The following MIPEP variants were observed in gnomAD, a reference collection of about 807,000 sequenced individuals.
MIPEP encodes the protein mitochondrial intermediate peptidase.
Under a neutral mutation model 90.3 loss-of-function variants are expected in MIPEP, and 79 were observed. The observed-to-expected ratio is 0.87, with a 90% confidence interval of 0.73 to 1.05. MIPEP has a LOEUF of 1.05. Among genes scored for constraint, MIPEP ranks in the 50% least tolerant of loss-of-function variants. The pLI, the probability that MIPEP is intolerant of heterozygous loss-of-function variation, is 0.00. For synonymous variants in MIPEP, 334 were observed against 315.8 expected (o/e 1.06, Z -0.61); for missense variants, 940 against 905.6 (o/e 1.04, Z -0.49).
At chr13:23,793,396 G>A (rs1952920781) in intron 16 of MIPEP, among the ~76,000 whole-genome samples, 1 of 152,296 alleles carries the variant, frequency 6.6e-6, no homozygotes, top group African/African-American at 2.4e-5. Context: ...TAACTTTAAA[G>A]GGGGTCGCAA....
intron 2 of MIPEP, among the ~76,000 whole-genome samples, chr13:23,885,947 T>G (rs1168103879): frequency 2.6e-5 from 4 of 151,108 alleles, no homozygotes; most frequent in African/African-American, 4.8e-5. Context: ...GGAATTTTGT[T>G]GTAAATGTAC....
intron 16 of MIPEP, among the ~76,000 whole-genome samples, chr13:23,770,707 T>C (rs1593144085): frequency 6.6e-6 from 1 of 152,042 alleles, no homozygotes; most frequent in South Asian, 2.1e-4. Context: ...CACTGCCCCC[T>C]CCCCATTAAT....
chr13:23,843,459 C>T (rs974559217), intron 10 of MIPEP, among the ~76,000 whole-genome samples: 1 of 152,204 alleles, frequency 6.6e-6, no homozygotes, highest in African/African-American at 2.4e-5. Flanking sequence ...TCTATTAGTA[C>T]ACTCATAAAG....
chr13:23,843,097 C>CAAAAA (rs397977292), intron 10 of MIPEP, among the ~76,000 whole-genome samples: 9 of 53,560 alleles, frequency 1.7e-4, no homozygotes, highest in Admixed American at 4.4e-4. Context: ...CTCTCCATCT[C>CAAAAA]AAAAAAAAAA....
At chr13:23,865,692 T>C (rs7322195) in intron 7 of MIPEP, among the ~76,000 whole-genome samples, 141,391 of 149,900 alleles carry the variant, frequency 0.94, 66,736 homozygotes, top group East Asian at 1. Flanking sequence ...TTTTTTGAGA[T>C]GGAGTCTTGC....
chr13:23,757,747 G>A (rs1952502809), intron 17 of MIPEP, among the ~76,000 whole-genome samples: 1 of 152,110 alleles, frequency 6.6e-6, no homozygotes, highest in South Asian at 2.1e-4. Context: ...CCTACCTGAC[G>A]GAGTTCCACA....
At chr13:23,829,884 G>T (rs1341700642) in intron 14 of MIPEP, among the ~76,000 whole-genome samples, 4 of 152,208 alleles carry the variant, frequency 2.6e-5, no homozygotes, top group Non-Finnish European at 1.5e-5. Context: ...GAACACTGCT[G>T]CTAATTAAGA....
chr13:23,879,958 A>T (rs995050179), intron 3 of MIPEP, among the ~76,000 whole-genome samples: 1 of 152,278 alleles, frequency 6.6e-6, no homozygotes, highest in African/African-American at 2.4e-5. Flanking sequence ...CCCACCCCAT[A>T]GTACCACTAG....
At chr13:23,856,038 T>C (rs1313033840) in intron 10 of MIPEP, among the ~76,000 whole-genome samples, 2 of 152,212 alleles carry the variant, frequency 1.3e-5, no homozygotes, top group East Asian at 1.9e-4. Flanking sequence ...ATAGGGGCTA[T>C]GAATTAGTAT....
chr13:23,882,795 T>C (rs1030322872), intron 2 of MIPEP, among the ~76,000 whole-genome samples: 18 of 152,198 alleles, frequency 1.2e-4, no homozygotes, highest in African/African-American at 4.1e-4. Context: ...TTGTAACAAT[T>C]GGTAACGATA....
At chr13:23,811,674 T>C (rs1953173024) in intron 14 of MIPEP, among the ~76,000 whole-genome samples, 1 of 152,228 alleles carries the variant, frequency 6.6e-6, no homozygotes, top group Non-Finnish European at 1.5e-5. Context: ...ATGATTATTG[T>C]GGAACCTAAA....
chr13:23,776,532 C>G (rs994133949), intron 16 of MIPEP, among the ~76,000 whole-genome samples: 1 of 152,136 alleles, frequency 6.6e-6, no homozygotes, highest in Non-Finnish European at 1.5e-5. Context: ...ATTTTTCACA[C>G]TGTCTTGTAC....
chr13:23,760,860 T>C (rs1952534957), intron 16 of MIPEP, among the ~76,000 whole-genome samples: 1 of 152,220 alleles, frequency 6.6e-6, no homozygotes, highest in African/African-American at 2.4e-5. Flanking sequence ...TTATAATACA[T>C]TTTATTTCAC....
At chr13:23,882,476 A>C (rs1011817706) in intron 2 of MIPEP, among the ~76,000 whole-genome samples, 1 of 152,226 alleles carries the variant, frequency 6.6e-6, no homozygotes, top group African/African-American at 2.4e-5. Flanking sequence ...TAGTCCTTTC[A>C]ATAAAATATG....
chr13:23,730,524 A>C, intron 18 of MIPEP, 79 bp from the exon 19 acceptor site: 1 of 853,620 alleles, frequency 1.2e-6, no homozygotes. Flanking sequence ...AAATCCACAC[A>C]CTAGAGGAAC....
At chr13:23,827,233 AC>A (rs1566008082) in intron 14 of MIPEP, among the ~76,000 whole-genome samples, 3 of 152,200 alleles carry the variant, frequency 2.0e-5, no homozygotes, top group Admixed American at 1.3e-4. Flanking sequence ...AAATGAGAAA[AC>A]AGAATTAGAA....
intron 14 of MIPEP, among the ~76,000 whole-genome samples, chr13:23,821,633 A>C (rs1953305892): frequency 1.3e-5 from 2 of 152,298 alleles, no homozygotes; most frequent in South Asian, 4.1e-4. Context: ...CCAGAAAAGG[A>C]ATGTACAACC....
intron 16 of MIPEP, among the ~76,000 whole-genome samples, chr13:23,769,350 T>C (rs753682857): frequency 2.0e-5 from 3 of 152,110 alleles, no homozygotes; most frequent in Non-Finnish European, 4.4e-5. Context: ...TAATCATAAG[T>C]CCTTCAGTAA....
intron 5 of MIPEP, 46 bp downstream of exon 5, chr13:23,874,800 A>G: frequency 6.7e-7 from 1 of 1,485,106 alleles, no homozygotes; most frequent in Non-Finnish European, 9.2e-7. Context: ...TATCAACTAA[A>G]TGTTAGTAAA....
Sources: gnomAD v4.1 joint callset for allele counts (sites outside exome capture counted in the v4.1 genomes callset) on GRCh38, gnomAD v4.1.1 for gene constraint, MANE v1.5 for transcripts, NCBI Gene and HGNC (gene_info 2026-07-23, HGNC 2026-07-21) for gene names.